MAPK10: variants seen among roughly 807,000 people sequenced by gnomAD.
The protein encoded by MAPK10 is mitogen-activated protein kinase 10, also known as JNK3 alpha protein kinase.
MAPK10 carries 25 observed loss-of-function variants against 59.3 expected under a neutral mutation model. The ratio of observed to expected loss-of-function variants is 0.42; its 90% CI spans 0.31 to 0.59. The LOEUF (loss-of-function observed/expected upper bound fraction) is 0.59, where lower values mean the gene tolerates loss of function less well. Among genes scored for constraint, MAPK10 ranks in the 20% least tolerant of loss-of-function variants. The pLI, the probability that MAPK10 is intolerant of heterozygous loss-of-function variation, is 0.15. For synonymous variants in MAPK10, 190 were observed against 200.5 expected (o/e 0.95, Z 0.44); for missense variants, 351 against 568.9 (o/e 0.62, Z 3.90).
chr4:86,412,572 C>A (rs1257401641), intron 1 of MAPK10, among the ~76,000 whole-genome samples: 1 of 152,192 alleles, frequency 6.6e-6, no homozygotes, highest in East Asian at 1.9e-4. Flanking sequence ...CACATAGTCC[C>A]ATATTTCTTG....
intron 2 of MAPK10, among the ~76,000 whole-genome samples, chr4:86,298,174 A>T (rs960054823): frequency 6.6e-6 from 1 of 152,068 alleles, no homozygotes; most frequent in Non-Finnish European, 1.5e-5. Context: ...ACAGCAATCC[A>T]GATTACCCAG....
intron 2 of MAPK10, among the ~76,000 whole-genome samples, chr4:86,323,932 T>A (rs2148898127): frequency 6.6e-6 from 1 of 152,260 alleles, no homozygotes. Context: ...GAATGCAGGG[T>A]TAGACTAATA....
At chr4:86,114,584 T>G (rs953353815) in intron 4 of MAPK10, among the ~76,000 whole-genome samples, 3 of 152,222 alleles carry the variant, frequency 2.0e-5, no homozygotes, top group Non-Finnish European at 4.4e-5. Flanking sequence ...AGAGGGGCAC[T>G]GAGCTGATGC....
chr4:86,344,902 C>T (rs13115429), intron 2 of MAPK10, among the ~76,000 whole-genome samples: 109,705 of 152,080 alleles, frequency 0.72, 40,370 homozygotes, highest in South Asian at 0.9. Flanking sequence ...TAAACAAATA[C>T]TTGTGCACAC....
intron 1 of MAPK10, among the ~76,000 whole-genome samples, chr4:86,524,456 C>G (rs963837902): frequency 7.2e-5 from 11 of 152,184 alleles, no homozygotes; most frequent in African/African-American, 2.7e-4. Context: ...AGTGTGCCCT[C>G]AATTCAGTTC....
At chr4:86,505,075 A>G (rs1002092840) in intron 1 of MAPK10, among the ~76,000 whole-genome samples, 4 of 152,092 alleles carry the variant, frequency 2.6e-5, no homozygotes, top group Admixed American at 6.6e-5. Flanking sequence ...CTTTCTACCA[A>G]ATAGCAACCA....
chr4:86,475,202 G>A (rs528772717), intron 1 of MAPK10, among the ~76,000 whole-genome samples: 46 of 152,168 alleles, frequency 3.0e-4, no homozygotes, highest in African/African-American at 9.2e-4. Flanking sequence ...TGTTTGGTGG[G>A]GTCTCTTCAC....
Position 86,017,239 on chromosome 4 carries a change from A to G in MAPK10, c.1384T>C (p.Cys462Arg). ...SLEASAGPLG[C>R]CR ...AGGCAGGCGGCTAGTCACCTGCAAC[A>G]ACCCAGGGGTCCTGCCGAGGCTTCC... The change falls in exon 14 of 14, where the codon TGT (cysteine) becomes CGT (arginine). Residue 462 changes from cysteine (C) to arginine (R), a missense_variant. This residue lies in a region of MAPK10 where 155 missense variants were observed against 204.2 expected (regional missense o/e 0.76). Coordinates refer to ENST00000641462, the MANE Select transcript of MAPK10 (RefSeq NM_138982.4). The surrounding 1 kb of genome is among the most constrained non-coding windows in gnomAD (Gnocchi z 4.4). The G allele has an allele frequency of 6.2e-7, 1 of 1,614,002 alleles. No homozygotes were observed. Among genetic ancestry groups the G allele is most frequent in the Non-Finnish European group, 8.5e-7 (1 of 1,179,960 alleles).
At chr4:86,059,612 T>A (rs2045331381) in intron 11 of MAPK10, among the ~76,000 whole-genome samples, 1 of 152,152 alleles carries the variant, frequency 6.6e-6, no homozygotes, top group African/African-American at 2.4e-5. Flanking sequence ...CCCAACCCTG[T>A]CCCAATTCCC....
At chr4:86,200,313 G>T (rs913060107) in intron 2 of MAPK10, among the ~76,000 whole-genome samples, 5 of 151,912 alleles carry the variant, frequency 3.3e-5, no homozygotes, top group African/African-American at 1.2e-4. Flanking sequence ...AAAACCCCAT[G>T]TGCCTTTTTT....
chr4:86,110,532 T>C (rs1047119172), intron 4 of MAPK10, among the ~76,000 whole-genome samples: 1 of 152,196 alleles, frequency 6.6e-6, no homozygotes, highest in Non-Finnish European at 1.5e-5. Flanking sequence ...GATCAGATGG[T>C]TGTAAACGTG....
At chr4:86,275,642 C>CA (rs1229457814) in intron 2 of MAPK10, among the ~76,000 whole-genome samples, 103 of 150,692 alleles carry the variant, frequency 6.8e-4, no homozygotes, top group Non-Finnish European at 1.1e-3. Context: ...TTTTCATGGC[C>CA]AAAAAAAACA....
chr4:86,249,259 A>T (rs2093289311), intron 2 of MAPK10, among the ~76,000 whole-genome samples: 1 of 152,002 alleles, frequency 6.6e-6, no homozygotes, highest in Admixed American at 6.5e-5. Flanking sequence ...GCTTCAAAAG[A>T]CATCTGGAGG....
intron 4 of MAPK10, among the ~76,000 whole-genome samples, chr4:86,133,217 A>T (rs897189327): frequency 2.0e-5 from 3 of 151,978 alleles, no homozygotes; most frequent in Non-Finnish European, 4.4e-5. Context: ...TGATATTACA[A>T]AATCATCTTC....
intron 4 of MAPK10, among the ~76,000 whole-genome samples, chr4:86,145,340 C>A (rs2064688038): frequency 1.3e-5 from 1 of 76,542 alleles, no homozygotes; most frequent in African/African-American, 8.3e-5. Context: ...CCAGCCTGGG[C>A]TACAGAGCGA....
At position 86,485,151 on chromosome 4, in the gene MAPK10, A is replaced by T. The variant is rs572133942; in HGVS notation, c.-263+108759T>A. Among the ~76,000 whole-genome samples the T allele has an allele frequency of 4.6e-5, 7 of 152,092 alleles. No homozygotes were observed. The South Asian group carries it at 1.5e-3, about 32-fold the overall frequency. On this transcript the variant is annotated intron_variant, in intron 1 of 4. Coordinates refer to the MAPK10 transcript ENST00000502302. ...TCCCTGTTACCCCCACCTCCCTTTT[A>T]CTTTTTTCTTCTTCCCCCACTTAAC...
intron 1 of MAPK10, among the ~76,000 whole-genome samples, chr4:86,532,761 C>G (rs977511525): frequency 1.3e-5 from 2 of 152,170 alleles, no homozygotes; most frequent in Non-Finnish European, 2.9e-5. Flanking sequence ...ATAAGCACTA[C>G]TACTCTTGGG....
At chr4:86,431,838 A>G (rs934005010) in intron 1 of MAPK10, among the ~76,000 whole-genome samples, 1 of 152,158 alleles carries the variant, frequency 6.6e-6, no homozygotes, top group African/African-American at 2.4e-5. Context: ...ACCCGTGTTT[A>G]AAAAAATGGC....
chr4:86,063,197 G>A (rs972770470), intron 11 of MAPK10, among the ~76,000 whole-genome samples: 2 of 152,040 alleles, frequency 1.3e-5, no homozygotes, highest in South Asian at 2.1e-4. Context: ...ACTTTCTTTC[G>A]TATCTTCTCT....
Sources: gnomAD v4.1 joint callset for allele counts (sites outside exome capture counted in the v4.1 genomes callset) on GRCh38, gnomAD v4.1.1 for gene constraint, gnomAD v4.1.1 regional missense constraint, Gnocchi (gnomAD v3.1) non-coding constraint, MANE v1.5 for transcripts, NCBI Gene and HGNC (gene_info 2026-07-23, HGNC 2026-07-21) for gene names.